The following CNN2 variants were observed in gnomAD, a reference collection of about 807,000 sequenced individuals.
CNN2 encodes the protein calponin 2, also known as calponin-2.
A neutral mutation model predicts 31.0 loss-of-function variants in CNN2; 21 were observed. That is an observed-to-expected ratio of 0.68 (90% CI 0.48 to 0.98). CNN2 has a LOEUF of 0.98. CNN2 is among the 50% of genes least tolerant of loss of function. The pLI is 0.00. For missense variants in CNN2, 399 were observed against 427.3 expected (o/e 0.93, Z 0.58); for synonymous variants, 165 against 179.6 (o/e 0.92, Z 0.65).
chr19:1,026,819 C>A, intron 1 of CNN2, 95 bp downstream of exon 1: 1 of 1,262,312 alleles, frequency 7.9e-7, no homozygotes, highest in Non-Finnish European at 1.1e-6. Context: ...ACCTCCCGGG[C>A]AGGGAGCTTG....
chr19:1,026,729 G>A lies in CNN2; in HGVS notation c.63+5G>A. On this transcript the variant is annotated splice_donor_5th_base_variant and intron_variant, in intron 1 of 6. Transcript: ENST00000263097. ...TCGGCCGAGGTCAAGAACCGGGTGAGTGAGGGGCGCCCCTTGTCCCCCCGA... is the reference window on the plus strand; with the variant it reads ...TCGGCCGAGGTCAAGAACCGGGTGAATGAGGGGCGCCCCTTGTCCCCCCGA... 1 of 1,548,944 alleles carries A rather than the reference G, an allele frequency of 6.5e-7. No individual in the cohort carries two copies. The highest frequency in any genetic ancestry group is 8.7e-7 in the Non-Finnish European group (1 of 1,146,868).
rs1223682015 is a variant in CNN2, at chr19:1,037,848, C to CG, written c.883dup (p.Glu295GlyfsTer4). The CG allele has an allele frequency of 4.4e-6, 7 of 1,604,438 alleles. No homozygotes were observed. Among genetic ancestry groups the CG allele is most frequent in the Non-Finnish European group, 6.0e-6 (7 of 1,174,626 alleles). ...TCGGGCACCGGCGACTGCCCGGACCCGGGGGAGGTCCCTGAATATCCCCCT... is the reference window on the plus strand; with the variant it reads ...TCGGGCACCGGCGACTGCCCGGACCCGGGGGGAGGTCCCTGAATATCCCCCT... On this transcript the variant is annotated frameshift_variant, in exon 7 of 7. Transcript: ENST00000263097. LOFTEE classifies it high-confidence loss of function.
In CNN2 at chr19:1,032,374, C is replaced by A; in HGVS notation, c.186-18C>A. The A allele has an allele frequency of 6.2e-7, 1 of 1,613,212 alleles. No homozygotes were observed. Among genetic ancestry groups the A allele is most frequent in the Non-Finnish European group, 8.5e-7 (1 of 1,179,966 alleles). ...CACAGAGGTTTCTGTTTCCCCCGCC[C>A]CATGTTGTGCCCTCCAGACTCATGA... On this transcript the variant is annotated intron_variant, in intron 2 of 6. Transcript: ENST00000263097.
intron 1 of CNN2, among the ~76,000 whole-genome samples, chr19:1,027,644 G>A (rs1043236919): frequency 1.3e-5 from 2 of 152,216 alleles, no homozygotes; most frequent in African/African-American, 4.8e-5. Flanking sequence ...GAAAGTGGGG[G>A]GCGGGGGTTG....
At chr19:1,035,201 GGT>G (rs2039561324) in intron 4 of CNN2, among the ~76,000 whole-genome samples, 1 of 144,774 alleles carries the variant, frequency 6.9e-6, no homozygotes, top group Admixed American at 7.0e-5. Flanking sequence ...GGTGGGACAC[GGT>G]GTCTGGTGTA....
chr19:1,033,672 G>C (rs72486335), intron 4 of CNN2, among the ~76,000 whole-genome samples: 4,630 of 103,898 alleles, frequency 0.045, 134 homozygotes, highest in East Asian at 0.13. Context: ...GGTGTAGACC[G>C]GGAGCGTGGG....
intron 4 of CNN2, chr19:1,032,953 A>G: frequency 5.2e-6 from 2 of 386,890 alleles, no homozygotes; most frequent in Non-Finnish European, 9.8e-6. Flanking sequence ...TAATTTTTGT[A>G]TTTTTAGTGG....
At chr19:1,032,254 G>T in intron 2 of CNN2, 138 bp from the exon 3 acceptor site, 42 of 821,986 alleles carry the variant, frequency 5.1e-5, no homozygotes, top group Non-Finnish European at 6.9e-5. Context: ...AAAAAAAAGA[G>T]TGGAAACTGA....
chr19:1,036,715 C>T, intron 6 of CNN2, 153 bp downstream of exon 6: 1 of 905,928 alleles, frequency 1.1e-6, no homozygotes, highest in Non-Finnish European at 1.7e-6. Flanking sequence ...CGCTCTCTGT[C>T]TCCGCCTTGG....
chr19:1,029,648 G>T (rs2144616058), intron 1 of CNN2, among the ~76,000 whole-genome samples: 1 of 152,320 alleles, frequency 6.6e-6, no homozygotes, highest in East Asian at 1.9e-4. Context: ...GGGAACCTGG[G>T]GAGATGGGTG....
chr19:1,037,971 T>TC lies in CNN2; in HGVS notation c.*71_*72insC. The TC allele has an allele frequency of 3.3e-6, 3 of 915,544 alleles. No homozygotes were observed. Among genetic ancestry groups the TC allele is most frequent in the South Asian group, 1.9e-5 (1 of 53,206 alleles). The allele number at this position is 915,544 out of a possible 1,614,324, so 56.7% of individuals were successfully genotyped here. ...TTTGGGTTTTTCTGTGTTTTCATCT[T>TC]TTTTTTTTTTTTCTTAACCCGTTCA... On this transcript the variant is annotated 3_prime_UTR_variant, in exon 7 of 7. Transcript: ENST00000263097.
In CNN2 at chr19:1,031,114, C is replaced by G; in HGVS notation, c.107C>G (p.Thr36Ser). 6.2e-7 allele frequency: 1 copy of G among 1,613,348 alleles called. No homozygotes were observed. The change falls in exon 2 of 7, where the codon ACC (threonine) becomes AGC (serine). Residue 36 changes from threonine (T) to serine (S), a missense_variant. Transcript: ENST00000263097. Reference sequence around the variant, plus strand: ...CCCCAGAAGGAGGCAGAGCTCCGCACCTGGATCGAGGGACTCACCGGCCTC... The same window carrying G: ...CCCCAGAAGGAGGCAGAGCTCCGCAGCTGGATCGAGGGACTCACCGGCCTC... ...YDPQKEAELR[T>S]WIEGLTGLSI...
At chr19:1,027,343 G>A (rs2039415620) in intron 1 of CNN2, among the ~76,000 whole-genome samples, 1 of 152,244 alleles carries the variant, frequency 6.6e-6, no homozygotes, top group Admixed American at 6.5e-5. Context: ...CTCTGAAGGT[G>A]GCCCTGAGAT....
intron 6 of CNN2, 90 bp downstream of exon 6, chr19:1,036,652 C>G (rs772604330): frequency 1.3e-6 from 2 of 1,504,882 alleles, no homozygotes; most frequent in Admixed American, 3.4e-5. Context: ...TCCAGCTTCT[C>G]TCCCCACTCT....
intron 4 of CNN2, among the ~76,000 whole-genome samples, chr19:1,033,749 C>T (rs1470791817): frequency 1.4e-5 from 1 of 70,736 alleles, no homozygotes; most frequent in Non-Finnish European, 2.7e-5. Flanking sequence ...AGACGGGGAG[C>T]GTGGGTGGGA....
chr19:1,030,422 G>C (rs1365828059), intron 1 of CNN2, among the ~76,000 whole-genome samples: 4 of 152,144 alleles, frequency 2.6e-5, no homozygotes, highest in East Asian at 1.9e-4. Context: ...GTCAGGAGAT[G>C]GAGACCATCT....
At chr19:1,032,229 C>A (rs56059558) in intron 2 of CNN2, among the ~76,000 whole-genome samples, 163 bp from the exon 3 acceptor site, 1 of 126,838 alleles carries the variant, frequency 7.9e-6, no homozygotes, top group Non-Finnish European at 1.6e-5. Context: ...AGCTAGACGC[C>A]GTCTCAAAAA....
intron 4 of CNN2, among the ~76,000 whole-genome samples, chr19:1,035,537 G>C (rs565856468): frequency 2.2e-4 from 33 of 152,266 alleles, no homozygotes; most frequent in African/African-American, 7.0e-4. Flanking sequence ...AGGTGAGAGA[G>C]AGGAAGCGAA....
Position 1,032,380 on chromosome 19 carries a change from T to G in CNN2, c.186-12T>G. 6.2e-7 allele frequency: 1 copy of G among 1,613,358 alleles called. No homozygotes were observed. Among genetic ancestry groups the G allele is most frequent in the Non-Finnish European group, 8.5e-7 (1 of 1,179,978 alleles). ...GGTTTCTGTTTCCCCCGCCCCATGTTGTGCCCTCCAGACTCATGAACAAGC... is the reference window on the plus strand; with the variant it reads ...GGTTTCTGTTTCCCCCGCCCCATGTGGTGCCCTCCAGACTCATGAACAAGC... On this transcript the variant is annotated splice_polypyrimidine_tract_variant and intron_variant, in intron 2 of 6. Coordinates refer to ENST00000263097, the MANE Select transcript of CNN2 (RefSeq NM_004368.4).
Sources: gnomAD v4.1 joint callset for allele counts (sites outside exome capture counted in the v4.1 genomes callset) on GRCh38, gnomAD v4.1.1 for gene constraint, MANE v1.5 for transcripts, NCBI Gene and HGNC (gene_info 2026-07-23, HGNC 2026-07-21) for gene names.